Variants in EYS observed in about 807,000 individuals in gnomAD.
The protein encoded by EYS is protein eyes shut homolog.
EYS carries 250 observed loss-of-function variants against 282.1 expected under a neutral mutation model. The ratio of observed to expected loss-of-function variants is 0.89; its 90% CI spans 0.80 to 0.98. The LOEUF is 0.98. Ranked by LOEUF, EYS falls within the 50% of genes least tolerant of loss-of-function variation. The pLI is 0.00. For missense variants in EYS, 4,016 were observed against 3,709.0 expected (o/e 1.08, Z -2.15); for synonymous variants, 1,355 against 1,282.9 (o/e 1.06, Z -1.20).
chr6:64,304,393 ATAAG>A (rs1246905796), intron 30 of EYS, among the ~76,000 whole-genome samples: 2 of 152,250 alleles, frequency 1.3e-5, no homozygotes, highest in Non-Finnish European at 2.9e-5. Flanking sequence ...GATGTAAAAG[ATAAG>A]TAAGGAAATA....
At chr6:64,317,544 G>T (rs893182849) in intron 29 of EYS, among the ~76,000 whole-genome samples, 2 of 152,070 alleles carry the variant, frequency 1.3e-5, no homozygotes, top group Admixed American at 6.6e-5. Flanking sequence ...TGCTGGAGAG[G>T]ATGTGAAAAA....
chr6:65,535,442 C>T (rs529323287), intron 2 of EYS, among the ~76,000 whole-genome samples: 7 of 152,058 alleles, frequency 4.6e-5, no homozygotes, highest in Admixed American at 2.6e-4. Flanking sequence ...CCTGCACAAG[C>T]CCTCTTGCCT....
At chr6:64,569,935 C>T (rs1056828200) in intron 26 of EYS, among the ~76,000 whole-genome samples, 8 of 152,028 alleles carry the variant, frequency 5.3e-5, no homozygotes, top group East Asian at 1.9e-4. Context: ...TCAGGAAATA[C>T]GGAGAACAGC....
intron 31 of EYS, among the ~76,000 whole-genome samples, chr6:64,147,021 A>C (rs1774541806): frequency 6.6e-6 from 1 of 152,152 alleles, no homozygotes; most frequent in East Asian, 1.9e-4. Flanking sequence ...GATGCCAAAG[A>C]TCATTCACTT....
At chr6:64,104,610 G>A (rs544801891) in intron 31 of EYS, among the ~76,000 whole-genome samples, 23 of 151,698 alleles carry the variant, frequency 1.5e-4, no homozygotes, top group African/African-American at 5.6e-4. Flanking sequence ...TCTTACTATA[G>A]TAGTCAGTTC....
In EYS at chr6:65,593,000, G is replaced by C. The variant is rs369358689; in HGVS notation, c.-333+46778C>G. Among the ~76,000 whole-genome samples, 16 of 152,080 alleles carry C rather than the reference G, an allele frequency of 1.1e-4. No individual in the cohort carries two copies. In the East Asian group the frequency reaches 3.1e-3, roughly 29 times the overall value. On this transcript the variant is annotated intron_variant, in intron 2 of 42. Coordinates refer to ENST00000503581, the MANE Select transcript of EYS (RefSeq NM_001142800.2). ...GTTTCCAGTAACTCCAGCAATAGGA[G>C]TCAATGTTGAAGATAATATGTAAAT...
intron 13 of EYS, among the ~76,000 whole-genome samples, chr6:65,029,419 A>C (rs1772527964): frequency 6.6e-6 from 1 of 152,198 alleles, no homozygotes; most frequent in South Asian, 2.1e-4. Context: ...ACACATGCAC[A>C]CATATACACT....
At chr6:65,230,717 G>A (rs565637694) in intron 12 of EYS, among the ~76,000 whole-genome samples, 1 of 151,546 alleles carries the variant, frequency 6.6e-6, no homozygotes, top group South Asian at 2.1e-4. Context: ...ATTTTTCTTT[G>A]AGTCATATCT....
chr6:65,292,838 G>T (rs1182648873), intron 12 of EYS, among the ~76,000 whole-genome samples: 2 of 151,644 alleles, frequency 1.3e-5, no homozygotes, highest in Non-Finnish European at 2.9e-5. Flanking sequence ...GTGTTGCCAA[G>T]GTAACTTAGA....
chr6:65,695,350 A>T (rs1340376633), intron 1 of EYS, among the ~76,000 whole-genome samples: 2 of 152,076 alleles, frequency 1.3e-5, no homozygotes, highest in African/African-American at 4.8e-5. Context: ...ATTTCCCGAA[A>T]CTCTCAGAAG....
Position 65,205,587 on chromosome 6 carries a change from C to T in EYS, c.2023+90276G>A, listed in dbSNP as rs62407245. Among the ~76,000 whole-genome samples, 1,170 of 151,440 alleles carry T rather than the reference C, an allele frequency of 7.7e-3. 16 individuals carry two copies. The highest frequency in any genetic ancestry group is 9.0e-3 in the Non-Finnish European group (611 of 67,620). On this transcript the variant is annotated intron_variant, in intron 12 of 42. Transcript: ENST00000503581. ...ATTTACAGAACATTCCACTGAACAA[C>T]CAGAGGGAATACATTTTTCTCATCT...
intron 1 of EYS, among the ~76,000 whole-genome samples, chr6:65,686,809 A>T (rs1769032493): frequency 6.6e-6 from 1 of 152,050 alleles, no homozygotes; most frequent in Non-Finnish European, 1.5e-5. Context: ...ACATGAGGTG[A>T]GAGATGATGA....
At chr6:63,817,254 T>C (rs889210609) in intron 36 of EYS, among the ~76,000 whole-genome samples, 4 of 152,162 alleles carry the variant, frequency 2.6e-5, no homozygotes, top group Non-Finnish European at 5.9e-5. Flanking sequence ...GAGCTAATTA[T>C]GAAGGGAGAG....
intron 41 of EYS, among the ~76,000 whole-genome samples, chr6:63,756,599 G>A (rs1458069426): frequency 2.0e-5 from 3 of 151,976 alleles, no homozygotes; most frequent in African/African-American, 7.2e-5. Context: ...TTTTTGTTGT[G>A]TCTCTGCCAG....
At chr6:64,481,738 T>C (rs903261070) in intron 26 of EYS, among the ~76,000 whole-genome samples, 4 of 151,466 alleles carry the variant, frequency 2.6e-5, no homozygotes, top group Non-Finnish European at 5.9e-5. Flanking sequence ...AAGATCAAAA[T>C]AAGAACCCAG....
rs576982392 is a variant in EYS at position 65,430,477 on chromosome 6, T to C, written c.863-25110A>G. Reference sequence around the variant, plus strand: ...GCATAAGGCATAAGTTTCTAGGCCATAGGGACTGCAACTCATAGGCAAGTC... The same window carrying C: ...GCATAAGGCATAAGTTTCTAGGCCACAGGGACTGCAACTCATAGGCAAGTC... On this transcript the variant is annotated intron_variant, in intron 5 of 42. Coordinates refer to ENST00000503581, the MANE Select transcript of EYS (RefSeq NM_001142800.2). Among the ~76,000 whole-genome samples the C allele has an allele frequency of 6.8e-4, 103 of 152,252 alleles. 1 individual carries two copies. The highest frequency in any genetic ancestry group is 2.4e-3 in the African/African-American group (99 of 41,580).
chr6:64,799,787 T>C (rs1774481060), intron 22 of EYS, among the ~76,000 whole-genome samples: 1 of 151,788 alleles, frequency 6.6e-6, no homozygotes, highest in African/African-American at 2.4e-5. Context: ...ATTTTTCACA[T>C]ATTTAAGTAT....
At chr6:64,209,595 A>T (rs1385001156) in intron 31 of EYS, among the ~76,000 whole-genome samples, 5 of 152,006 alleles carry the variant, frequency 3.3e-5, no homozygotes, top group African/African-American at 7.2e-5. Context: ...TCTATTCTTG[A>T]TTATATTCTT....
chr6:65,535,918 T>C (rs1767947995), intron 2 of EYS, among the ~76,000 whole-genome samples: 1 of 151,942 alleles, frequency 6.6e-6, no homozygotes, highest in African/African-American at 2.4e-5. Flanking sequence ...ATCACAGTAA[T>C]ATACAGGTGT....
Sources: gnomAD v4.1 joint callset for allele counts (sites outside exome capture counted in the v4.1 genomes callset) on GRCh38, gnomAD v4.1.1 for gene constraint, MANE v1.5 for transcripts, NCBI Gene and HGNC (gene_info 2026-07-23, HGNC 2026-07-21) for gene names.